Variants in ST3GAL5 observed in about 807,000 individuals in gnomAD.
ST3GAL5 encodes lactosylceramide alpha-2,3-sialyltransferase.
Under a neutral mutation model 46.1 loss-of-function variants are expected in ST3GAL5, and 25 were observed. That is an observed-to-expected ratio of 0.54 (90% CI 0.40 to 0.76). ST3GAL5 has a LOEUF of 0.76. ST3GAL5 is among the 30% of genes least tolerant of loss of function. ST3GAL5 has a pLI of 0.00. For synonymous variants in ST3GAL5, 182 were observed against 192.7 expected (o/e 0.94, Z 0.46); for missense variants, 431 against 521.2 (o/e 0.83, Z 1.69).
chr2:85,873,388 C>G (rs1319356363), intron 1 of ST3GAL5, among the ~76,000 whole-genome samples: 1 of 152,098 alleles, frequency 6.6e-6, no homozygotes, highest in African/African-American at 2.4e-5. Context: ...TCAAAAAGAT[C>G]ATGGATGATG....
intron 3 of ST3GAL5, chr2:85,854,882 G>A (rs1683927622): frequency 6.6e-6 from 1 of 152,216 alleles, no homozygotes; most frequent in Non-Finnish European, 1.5e-5. Flanking sequence ...GGACGATCAG[G>A]GATAGCCTCT....
chr2:85,848,921 T>C (rs1032079464), intron 3 of ST3GAL5: 1 of 155,434 alleles, frequency 6.4e-6, no homozygotes, highest in African/African-American at 2.4e-5. Context: ...TATTTATCAG[T>C]TGAGATACAG....
chr2:85,874,006 T>A (rs1177554297), intron 1 of ST3GAL5, among the ~76,000 whole-genome samples: 1 of 152,096 alleles, frequency 6.6e-6, no homozygotes, highest in African/African-American at 2.4e-5. Flanking sequence ...AACAACAGAT[T>A]TTTAGCCTAC....
rs1338967183 is a variant in ST3GAL5 at position 85,847,912 on chromosome 2, A to G, written c.611T>C (p.Leu204Pro). Residue 204 changes from leucine (L) to proline (P), a missense_variant, in exon 4 of 7, where the codon CTG becomes CCG. Leu to Pro is a moderately conservative substitution (Grantham distance 98). Coordinates refer to ENST00000638572, the MANE Select transcript of ST3GAL5 (RefSeq NM_003896.4). Reference sequence around the variant, plus strand: ...GGTGTGGCCCAGTTCTAATCCGTGCAGTATTCCTCCGCTTCCAATAACCAC... The same window carrying G: ...GGTGTGGCCCAGTTCTAATCCGTGCGGTATTCCTCCGCTTCCAATAACCAC... Reference protein sequence around the residue: ...RCVVIGSGGILHGLELGHTLN... With the variant: ...RCVVIGSGGIPHGLELGHTLN... 1 of 1,614,192 alleles carries G rather than the reference A, an allele frequency of 6.2e-7. No individual in the cohort carries two copies. Among genetic ancestry groups the G allele is most frequent in the South Asian group, 1.1e-5 (1 of 91,090 alleles).
At position 85,876,462 on chromosome 2, in the gene ST3GAL5, C is replaced by CTT. The variant is rs59265377; in HGVS notation, c.82+12360_82+12361dup. ...CTGTTTTCTTTTCTTTTTCTTTTTC[C>CTT]TTTTTTTTTTTTTTTTTTTGAGACG... On this transcript the variant is annotated intron_variant, in intron 1 of 6. Coordinates refer to ENST00000638572, the MANE Select transcript of ST3GAL5 (RefSeq NM_003896.4). 2.4e-3 allele frequency among the ~76,000 whole-genome samples: 264 copies of CTT among 111,232 alleles called. 2 individuals carry two copies. The highest frequency in any genetic ancestry group is 5.5e-3 in the Middle Eastern group (1 of 182). The allele number at this position is 111,232 out of a possible 152,430, so 73.0% of individuals were successfully genotyped here.
rs1684930971 is a variant in ST3GAL5, at chr2:85,863,361, C to T, written c.206+1G>A. The T allele has an allele frequency of 6.2e-7, 1 of 1,614,006 alleles. No homozygotes were observed. The highest frequency in any genetic ancestry group is 8.5e-7 in the Non-Finnish European group (1 of 1,180,040). ...TCTACAGTCCCAGGGGCGGTACTTA[C>T]TTGAGGATGTCTTTTAATAACAAGC... On this transcript the variant is annotated splice_donor_variant, in intron 2 of 6. Transcript: ENST00000638572. LOFTEE classifies it high-confidence loss of function.
chr2:85,859,036 C>T (rs899334202), intron 3 of ST3GAL5, among the ~76,000 whole-genome samples: 1 of 152,152 alleles, frequency 6.6e-6, no homozygotes, highest in Non-Finnish European at 1.5e-5. Context: ...CACAGGCAGC[C>T]GGGGCACAGG....
chr2:85,868,564 G>A (rs1296982691), intron 1 of ST3GAL5, among the ~76,000 whole-genome samples: 1 of 151,088 alleles, frequency 6.6e-6, no homozygotes, highest in Admixed American at 6.6e-5. Flanking sequence ...ACCAGCCTTG[G>A]CCTCCCAAAG....
intron 1 of ST3GAL5, among the ~76,000 whole-genome samples, chr2:85,877,351 T>G (rs1686689778): frequency 6.6e-6 from 1 of 152,258 alleles, no homozygotes; most frequent in South Asian, 2.1e-4. Context: ...TATGTTCCTT[T>G]AGCCTTCTTT....
chr2:85,848,979 C>A (rs1683147397), intron 3 of ST3GAL5: 1 of 152,656 alleles, frequency 6.6e-6, no homozygotes, highest in East Asian at 1.9e-4. Flanking sequence ...CAGGGAATGT[C>A]CCCTTAACAC....
intron 3 of ST3GAL5, chr2:85,851,553 A>G (rs1683505019): frequency 7.8e-7 from 1 of 1,280,346 alleles, no homozygotes. Flanking sequence ...ACCAGACATC[A>G]TTGTCTTGGG....
At chr2:85,855,463 T>G (rs1040894983) in intron 3 of ST3GAL5, 2 of 152,106 alleles carry the variant, frequency 1.3e-5, no homozygotes, top group Non-Finnish European at 2.9e-5. Flanking sequence ...CAAAAATTAA[T>G]GCAAAACGAA....
intron 3 of ST3GAL5, among the ~76,000 whole-genome samples, chr2:85,858,418 C>T (rs1473777669): frequency 6.6e-6 from 1 of 152,208 alleles, no homozygotes; most frequent in Non-Finnish European, 1.5e-5. Flanking sequence ...TCAAGTGATT[C>T]TCCTGCCTCA....
At position 85,882,404 on chromosome 2, in the gene ST3GAL5, C is replaced by T. The variant is rs181615648; in HGVS notation, c.82+6420G>A. On this transcript the variant is annotated intron_variant, in intron 1 of 6. Coordinates refer to ENST00000638572, the MANE Select transcript of ST3GAL5 (RefSeq NM_003896.4). ...AAAGCTGTAGACACTCAACACCAGC[C>T]CATGAAAGTGGCTAGGAGGGAGGGC... Among the ~76,000 whole-genome samples, 159 of 152,276 alleles carry T rather than the reference C, an allele frequency of 1.0e-3. 2 individuals are homozygous for T. The highest frequency in any genetic ancestry group is 2.5e-3 in the South Asian group (12 of 4,822).
intron 1 of ST3GAL5, among the ~76,000 whole-genome samples, chr2:85,878,617 C>T (rs758100797): frequency 6.6e-6 from 1 of 152,186 alleles, no homozygotes; most frequent in African/African-American, 2.4e-5. Context: ...GTCTAATTTT[C>T]TTTGTTTACC....
intron 1 of ST3GAL5, among the ~76,000 whole-genome samples, chr2:85,885,710 C>T (rs1220654283): frequency 6.6e-6 from 1 of 152,064 alleles, no homozygotes; most frequent in Non-Finnish European, 1.5e-5. Flanking sequence ...CGCCTGTAGT[C>T]CCAGCTACTC....
Position 85,861,248 on chromosome 2 carries a change from T to C in ST3GAL5, c.251A>G (p.Lys84Arg), listed in dbSNP as rs1684693661. Residue 84 changes from lysine to arginine, a missense_variant, in exon 3 of 7, where the codon AAG becomes AGG. Coordinates refer to ENST00000638572, the MANE Select transcript of ST3GAL5 (RefSeq NM_003896.4). ...ACATTCTTCAGTAGTATAATTTAACTTGAGGATATAAAGGATCCACACTCC... is the reference window on the plus strand; with the variant it reads ...ACATTCTTCAGTAGTATAATTTAACCTGAGGATATAAAGGATCCACACTCC... ...VFGVWILYIL[K>R]LNYTTEECDM... is the part of the protein sequence containing the mutation. 1.2e-6 allele frequency: 2 copies of C among 1,613,692 alleles called. No homozygotes were observed. The highest frequency in any genetic ancestry group is 1.7e-6 in the Non-Finnish European group (2 of 1,179,772).
intron 2 of ST3GAL5, among the ~76,000 whole-genome samples, chr2:85,861,605 C>T (rs1438533681): frequency 2.7e-5 from 4 of 145,546 alleles, no homozygotes; most frequent in African/African-American, 1.0e-4. Flanking sequence ...TACAGAATCT[C>T]GGCTTCAATC....
chr2:85,870,383 C>T (rs572867201), intron 1 of ST3GAL5: 3 of 401,612 alleles, frequency 7.5e-6, no homozygotes, highest in Non-Finnish European at 1.6e-5. Context: ...TGTTGGCAGG[C>T]CATCACAAGG....
Sources: gnomAD v4.1 joint callset for allele counts (sites outside exome capture counted in the v4.1 genomes callset) on GRCh38, gnomAD v4.1.1 for gene constraint, MANE v1.5 for transcripts, NCBI Gene and HGNC (gene_info 2026-07-23, HGNC 2026-07-21) for gene names.